SUPT3H: variants seen among roughly 807,000 people sequenced by gnomAD.
SUPT3H encodes transcription initiation protein SPT3 homolog.
SUPT3H carries 44 observed loss-of-function variants against 44.3 expected under a neutral mutation model. That is an observed-to-expected ratio of 0.99 (90% CI 0.78 to 1.28). The LOEUF (loss-of-function observed/expected upper bound fraction) is 1.28, where lower values mean the gene tolerates loss of function less well. Among genes scored for constraint, SUPT3H ranks in the 50% most tolerant of loss-of-function variants. SUPT3H has a pLI of 0.00. For synonymous variants in SUPT3H, 124 were observed against 125.6 expected, an observed-to-expected ratio of 0.99 and a Z score of 0.09; for missense variants, 380 against 387.1, an observed-to-expected ratio of 0.98 and a Z score of 0.15.
chr6:44,850,758 A>ATCTATCTG (rs1268036109), intron 10 of SUPT3H, among the ~76,000 whole-genome samples: 1 of 149,936 alleles, frequency 6.7e-6, no homozygotes, highest in Admixed American at 6.6e-5. Context: ...CTATCTATCT[A>ATCTATCTG]TCTATCTATC....
intron 2 of SUPT3H, among the ~76,000 whole-genome samples, chr6:45,235,052 AG>A (rs1196552761): frequency 2.0e-5 from 3 of 152,224 alleles, no homozygotes; most frequent in Non-Finnish European, 4.4e-5. Context: ...AAATTAGATG[AG>A]AAAAAGAGAA....
At chr6:45,353,801 T>C (rs1046645449) in intron 2 of SUPT3H, among the ~76,000 whole-genome samples, 1 of 150,974 alleles carries the variant, frequency 6.6e-6, no homozygotes, top group African/African-American at 2.4e-5. Flanking sequence ...AATCACTATA[T>C]ACAAACCTTA....
chr6:45,342,528 C>A (rs12205312), intron 2 of SUPT3H, among the ~76,000 whole-genome samples: 2 of 151,952 alleles, frequency 1.3e-5, no homozygotes, highest in Non-Finnish European at 2.9e-5. Flanking sequence ...CAAAGTGCTG[C>A]GATTACACGC....
rs200791925 is a variant in SUPT3H, at chr6:45,117,652, CA to C, written c.102-11647del. ...TATTGTACATAATCTAATTTGTCAC[CA>C]AAAACAATGGCTTTGCTCTCAGAAT... On this transcript the variant is annotated intron_variant, in intron 2 of 10. Transcript: ENST00000371459. 5.0e-3 allele frequency among the ~76,000 whole-genome samples: 764 copies of C among 152,004 alleles called. 29 individuals are homozygous for C. Among genetic ancestry groups the C allele is most frequent in the East Asian group, 4.6e-3 (24 of 5,174 alleles).
chr6:45,370,687 A>T (rs1410223322), intron 1 of SUPT3H, among the ~76,000 whole-genome samples: 1 of 152,118 alleles, frequency 6.6e-6, no homozygotes, highest in Non-Finnish European at 1.5e-5. Context: ...ATATCAAAAC[A>T]CCCTGTAAAC....
At chr6:44,891,379 C>G (rs970623250) in intron 10 of SUPT3H, among the ~76,000 whole-genome samples, 7 of 151,948 alleles carry the variant, frequency 4.6e-5, no homozygotes, top group Admixed American at 1.3e-4. Flanking sequence ...AATCAATTGA[C>G]TAAAACAAAT....
chr6:45,114,314 C>G (rs1363920525), intron 2 of SUPT3H, among the ~76,000 whole-genome samples: 1 of 151,288 alleles, frequency 6.6e-6, no homozygotes, highest in East Asian at 1.9e-4. Flanking sequence ...GAGGAAAGGA[C>G]AATAAACAAT....
chr6:44,936,085 T>C (rs1174721031), intron 9 of SUPT3H, among the ~76,000 whole-genome samples: 1 of 149,528 alleles, frequency 6.7e-6, no homozygotes, highest in Non-Finnish European at 1.5e-5. Flanking sequence ...CTAGAGCAAC[T>C]GAAAGTCTAG....
At position 45,055,515 on chromosome 6, in the gene SUPT3H, A is replaced by G. The variant is rs917566398; in HGVS notation, c.187-34883T>C. On this transcript the variant is annotated intron_variant, in intron 3 of 10. Coordinates refer to ENST00000371459, the MANE Select transcript of SUPT3H (RefSeq NM_003599.4). The stretch of plus-strand genomic sequence containing the variant: ...GCAATAGCATAGAGAGCCCAGAAAT[A>G]AAGCCAAATACAGCCAACTGATCTT... Among the ~76,000 whole-genome samples, 41 of 152,166 alleles carry G rather than the reference A, an allele frequency of 2.7e-4. 1 individual carries two copies. Among genetic ancestry groups the G allele is most frequent in the Admixed American group, 2.6e-3 (39 of 15,270 alleles).
At chr6:44,885,351 A>G (rs1762081585) in intron 10 of SUPT3H, among the ~76,000 whole-genome samples, 1 of 152,108 alleles carries the variant, frequency 6.6e-6, no homozygotes, top group Non-Finnish European at 1.5e-5. Flanking sequence ...GAGAAGCCTA[A>G]CTGCGAGGCA....
At chr6:45,163,349 T>C (rs1809346898) in intron 2 of SUPT3H, among the ~76,000 whole-genome samples, 1 of 152,168 alleles carries the variant, frequency 6.6e-6, no homozygotes, top group Non-Finnish European at 1.5e-5. Context: ...TAATTTACTG[T>C]TACCTAAATC....
chr6:44,930,987 G>A (rs972312385), intron 10 of SUPT3H, among the ~76,000 whole-genome samples: 18 of 152,084 alleles, frequency 1.2e-4, no homozygotes, highest in Non-Finnish European at 2.1e-4. Context: ...GGACATGGGG[G>A]AAAAGATATA....
At chr6:45,128,049 T>A (rs908567627) in intron 2 of SUPT3H, among the ~76,000 whole-genome samples, 4 of 152,196 alleles carry the variant, frequency 2.6e-5, no homozygotes, top group Non-Finnish European at 4.4e-5. Context: ...TTATTACCGA[T>A]AATGCTTGTT....
At chr6:45,322,747 C>G in intron 2 of SUPT3H, 1 of 649,020 alleles carries the variant, frequency 1.5e-6, no homozygotes, top group Non-Finnish European at 2.7e-6. Context: ...ACATGTATTC[C>G]TAAAAATAAG....
intron 2 of SUPT3H, among the ~76,000 whole-genome samples, chr6:45,111,449 G>A (rs1393762494): frequency 6.6e-6 from 1 of 151,922 alleles, no homozygotes; most frequent in Non-Finnish European, 1.5e-5. Flanking sequence ...GCCTGGGATT[G>A]AGGGGTTTTC....
intron 10 of SUPT3H, among the ~76,000 whole-genome samples, chr6:44,866,215 T>C (rs1240574806): frequency 1.3e-5 from 2 of 150,820 alleles, no homozygotes; most frequent in Admixed American, 6.7e-5. Context: ...TCCTATGGGA[T>C]AAATGAATCC....
In SUPT3H at chr6:44,948,671, C is replaced by T. The variant is rs930807112; in HGVS notation, c.801+4639G>A. On this transcript the variant is annotated intron_variant, in intron 9 of 10. Coordinates refer to ENST00000371459, the MANE Select transcript of SUPT3H (RefSeq NM_003599.4). Reference sequence around the variant, plus strand: ...ATCATCACTGGCCATCAGAGAAATGCAAATCAAAACCACAATGAGATACCA... The same window carrying T: ...ATCATCACTGGCCATCAGAGAAATGTAAATCAAAACCACAATGAGATACCA... 1.3e-5 allele frequency among the ~76,000 whole-genome samples: 2 copies of T among 152,136 alleles called. 1 individual carries two copies. Among genetic ancestry groups the T allele is most frequent in the South Asian group, 4.2e-4 (2 of 4,816 alleles).
chr6:45,321,726 T>C (rs1699488166), intron 2 of SUPT3H: 3 of 1,079,694 alleles, frequency 2.8e-6, no homozygotes, highest in Non-Finnish European at 4.2e-6. Context: ...TTGTATCTAA[T>C]ACATTCTCTC....
intron 2 of SUPT3H, among the ~76,000 whole-genome samples, chr6:45,116,528 T>G (rs1267948468): frequency 6.6e-6 from 1 of 152,194 alleles, no homozygotes; most frequent in African/African-American, 2.4e-5. Flanking sequence ...CTTGGAGAGA[T>G]ATTTGTTCCA....
Sources: gnomAD v4.1 joint callset for allele counts (sites outside exome capture counted in the v4.1 genomes callset) on GRCh38, gnomAD v4.1.1 for gene constraint, MANE v1.5 for transcripts, NCBI Gene and HGNC (gene_info 2026-07-23, HGNC 2026-07-21) for gene names.